Variants in MED15 observed in about 807,000 individuals in gnomAD.
MED15 encodes the protein mediator of RNA polymerase II transcription subunit 15.
MED15 carries 41 observed loss-of-function variants against 118.7 expected under a neutral mutation model. The observed-to-expected ratio is 0.35, with a 90% CI of 0.27 to 0.45. MED15 has a LOEUF of 0.45. MED15 is among the 20% of genes least tolerant of loss of function. The pLI is 1.00. For synonymous variants in MED15, 436 were observed against 413.9 expected (o/e 1.05, Z -0.65); for missense variants, 740 against 1,025.5 (o/e 0.72, Z 3.80).
At chr22:20,557,889 G>A (rs959237801) in intron 5 of MED15, among the ~76,000 whole-genome samples, 3 of 152,132 alleles carry the variant, frequency 2.0e-5, no homozygotes, top group Non-Finnish European at 2.9e-5. Flanking sequence ...GGCGGATCAC[G>A]AGGTCAGGAG....
At chr22:20,583,633 C>T (rs557210023) in intron 13 of MED15, 3 of 530,308 alleles carry the variant, frequency 5.7e-6, no homozygotes, top group African/African-American at 1.9e-5. Context: ...GCTGGGCCAT[C>T]ACAGCCAGAC....
chr22:20,552,277 A>G (rs2055809427), intron 3 of MED15, among the ~76,000 whole-genome samples: 1 of 152,112 alleles, frequency 6.6e-6, no homozygotes, highest in South Asian at 2.1e-4. Context: ...GGCGAGTCCT[A>G]TTTCTATTCC....
At chr22:20,580,384 G>A (rs2056946662) in intron 9 of MED15, among the ~76,000 whole-genome samples, 2 of 152,314 alleles carry the variant, frequency 1.3e-5, no homozygotes, top group South Asian at 4.1e-4. Flanking sequence ...GCTCCTCAGA[G>A]AAGCGCTGAG....
Position 20,568,623 on chromosome 22 carries a change from G to A in MED15, c.1144G>A (p.Gly382Arg), listed in dbSNP as rs202216917. 28 of 1,612,976 alleles carry A rather than the reference G, an allele frequency of 1.7e-5. No individual in the cohort carries two copies. The highest frequency in any genetic ancestry group is 1.2e-4 in the African/African-American group (9 of 74,896). ...TAQAAQMVAPGVQMITEALAQ... is the reference protein window; with the variant it reads ...TAQAAQMVAPRVQMITEALAQ... ...TCAGGCTGCCCAGATGGTGGCTCCC[G>A]GAGTCCAGGTGAGGGCCTGGGGGTG... The change falls in exon 8 of 18, where the codon GGA (glycine) becomes AGA (arginine). Residue 382 changes from glycine to arginine, a missense_variant. Gly to Arg is a moderately radical substitution (Grantham distance 125, BLOSUM62 -2). Coordinates refer to ENST00000263205, the MANE Select transcript of MED15 (RefSeq NM_001003891.3).
rs1445704327 is a variant in MED15 at position 20,582,690 on chromosome 22, C to T, written c.1352C>T (p.Pro451Leu). 3.8e-6 allele frequency: 6 copies of T among 1,597,848 alleles called. No individual in the cohort carries two copies. Among genetic ancestry groups the T allele is most frequent in the East Asian group, 2.2e-5 (1 of 44,816 alleles). ...QVQTPQSMPPPPQPSPQPGQP... is the reference protein window; with the variant it reads ...QVQTPQSMPPLPQPSPQPGQP... ...CAGACCCCGCAGTCGATGCCCCCTC[C>T]CCCCCAGCCGTCCCCGCAGCCCGGC... The change falls in exon 10 of 18, where the codon CCC becomes CTC. Residue 451 changes from proline (P) to leucine (L), a missense_variant. Pro to Leu is a moderately conservative substitution (Grantham distance 98, BLOSUM62 -3). Coordinates refer to ENST00000263205, the MANE Select transcript of MED15 (RefSeq NM_001003891.3).
At position 20,507,649 on chromosome 22, in the gene MED15, G is replaced by T. The variant is rs1046198236; in HGVS notation, c.-30G>T. ...GGCGGCGGCGGTGGCGGCCAAGCGG[G>T]ATACGGGCGGCGGGAGCTGGGGAAC... On this transcript the variant is annotated 5_prime_UTR_variant, in exon 1 of 18. Transcript: ENST00000263205. The T allele has an allele frequency of 1.2e-6, 2 of 1,613,694 alleles. No homozygotes were observed. The highest frequency in any genetic ancestry group is 1.7e-6 in the Non-Finnish European group (2 of 1,179,734).
chr22:20,510,113 G>A (rs1245962197), intron 1 of MED15, among the ~76,000 whole-genome samples: 3 of 152,132 alleles, frequency 2.0e-5, no homozygotes, highest in Non-Finnish European at 4.4e-5. Flanking sequence ...TTAGCCAGGT[G>A]TGGTGGCTCA....
intron 1 of MED15, among the ~76,000 whole-genome samples, chr22:20,534,801 G>C (rs577140201): frequency 6.6e-6 from 1 of 152,308 alleles, no homozygotes; most frequent in Non-Finnish European, 1.5e-5. Context: ...AGTGCCGCGC[G>C]TGAGTTGGTT....
chr22:20,550,774 G>C (rs1281879237), intron 2 of MED15, among the ~76,000 whole-genome samples: 2 of 152,278 alleles, frequency 1.3e-5, no homozygotes, highest in African/African-American at 4.8e-5. Flanking sequence ...AGGACAATGG[G>C]TGGGAGGCAG....
intron 2 of MED15, 139 bp from the exon 3 acceptor site, chr22:20,551,297 A>G: frequency 1.2e-6 from 1 of 819,520 alleles, no homozygotes; most frequent in Non-Finnish European, 2.2e-6. Flanking sequence ...CGGATTCCAG[A>G]GGAGGCCGAG....
chr22:20,519,091 C>T (rs964356766), intron 1 of MED15: 5 of 331,542 alleles, frequency 1.5e-5, no homozygotes, highest in East Asian at 9.7e-5. Flanking sequence ...TGGGCTCAAG[C>T]GATCTGCTGC....
At chr22:20,530,764 G>A (rs1026471308) in intron 1 of MED15, among the ~76,000 whole-genome samples, 6 of 152,116 alleles carry the variant, frequency 3.9e-5, no homozygotes, top group Non-Finnish European at 7.3e-5. Flanking sequence ...TCCTTCTTGC[G>A]GGCGGTGGAG....
chr22:20,516,067 A>G (rs1360505719), intron 1 of MED15, among the ~76,000 whole-genome samples: 1 of 151,886 alleles, frequency 6.6e-6, no homozygotes, highest in African/African-American at 2.4e-5. Flanking sequence ...CTGTAATCCC[A>G]GCACTTTGGG....
chr22:20,528,720 G>C (rs189637872), intron 1 of MED15, among the ~76,000 whole-genome samples: 97 of 152,266 alleles, frequency 6.4e-4, no homozygotes, highest in Non-Finnish European at 1.1e-3. Context: ...TGGGCCAGTG[G>C]GTCTCGGCAG....
intron 2 of MED15, among the ~76,000 whole-genome samples, chr22:20,539,705 A>C (rs896468173): frequency 6.6e-6 from 1 of 152,208 alleles, no homozygotes. Flanking sequence ...CCAGCAGCTT[A>C]AATGAGGTTT....
chr22:20,515,381 T>G (rs1039072080), intron 1 of MED15, among the ~76,000 whole-genome samples: 7 of 152,186 alleles, frequency 4.6e-5, no homozygotes, highest in African/African-American at 1.7e-4. Context: ...GTCCAGTCTT[T>G]TGGCTTCCCT....
chr22:20,520,600 G>T (rs535886384), intron 1 of MED15, among the ~76,000 whole-genome samples: 3 of 152,228 alleles, frequency 2.0e-5, no homozygotes, highest in African/African-American at 7.2e-5. Context: ...TGAACGACAC[G>T]CATACTTCCA....
intron 5 of MED15, among the ~76,000 whole-genome samples, chr22:20,558,644 G>A (rs1358866772): frequency 6.6e-6 from 1 of 152,156 alleles, no homozygotes; most frequent in Non-Finnish European, 1.5e-5. Flanking sequence ...TGGAATGCTG[G>A]CCTGCAGCAG....
intron 3 of MED15, 162 bp from the exon 4 acceptor site, chr22:20,552,983 C>T (rs544745570): frequency 1.6e-5 from 10 of 638,910 alleles, no homozygotes; most frequent in Non-Finnish European, 2.5e-5. Context: ...GTGGGGTCAG[C>T]GCTGCCAAGA....
Sources: gnomAD v4.1 joint callset for allele counts (sites outside exome capture counted in the v4.1 genomes callset) on GRCh38, gnomAD v4.1.1 for gene constraint, MANE v1.5 for transcripts, NCBI Gene and HGNC (gene_info 2026-07-23, HGNC 2026-07-21) for gene names.